Variants in CCDC191 observed in about 807,000 individuals in gnomAD.
The protein encoded by CCDC191 is coiled-coil domain containing 191.
CCDC191 carries 99 observed loss-of-function variants against 114.0 expected under a neutral mutation model. The observed-to-expected ratio is 0.87, with a 90% CI of 0.74 to 1.03. CCDC191 has a LOEUF of 1.03. Among genes scored for constraint, CCDC191 ranks in the 50% least tolerant of loss-of-function variants. The probability of loss-of-function intolerance (pLI) is 0.00; values close to 1 mark genes in which losing one functional copy is unlikely to be tolerated. For missense variants in CCDC191, 973 were observed against 1,087.0 expected (o/e 0.90, Z 1.47); for synonymous variants, 351 against 376.0 (o/e 0.93, Z 0.77).
intron 13 of CCDC191, among the ~76,000 whole-genome samples, chr3:113,995,714 T>C (rs2075701596): frequency 6.6e-6 from 1 of 152,212 alleles, no homozygotes; most frequent in Non-Finnish European, 1.5e-5. Flanking sequence ...TCTTCCACAA[T>C]GGTTGAACTA....
At chr3:114,043,213 G>A (rs1018563277) in intron 3 of CCDC191, among the ~76,000 whole-genome samples, 2 of 152,194 alleles carry the variant, frequency 1.3e-5, no homozygotes, top group African/African-American at 4.8e-5. Context: ...ATTCTCTGCA[G>A]AGGGAAAGCA....
intron 7 of CCDC191, among the ~76,000 whole-genome samples, chr3:114,029,933 TAA>T (rs1206927839): frequency 4.0e-4 from 61 of 152,164 alleles, no homozygotes; most frequent in Middle Eastern, 6.8e-3. Context: ...ATGTAATAAA[TAA>T]ATGCAGTGTG....
At chr3:113,978,135 T>C in intron 16 of CCDC191, 51 bp downstream of exon 16, 2 of 1,600,008 alleles carry the variant, frequency 1.2e-6, no homozygotes, top group Non-Finnish European at 1.7e-6. Context: ...AATATATTGC[T>C]GAGCAATTGT....
In CCDC191 at chr3:114,039,901, T is replaced by C. The variant is rs553744485; in HGVS notation, c.415+2802A>G. The stretch of plus-strand genomic sequence containing the variant: ...ATTTATTATTGAAGAAAGAAAAATA[T>C]GTTTTTATAAATTCAGTGTACCCTA... On this transcript the variant is annotated intron_variant, in intron 4 of 16. Transcript: ENST00000295878. Among the ~76,000 whole-genome samples the C allele has an allele frequency of 8.5e-5, 13 of 152,250 alleles. No homozygotes were observed. The East Asian group carries it at 2.5e-3, about 29-fold the overall frequency.
intron 16 of CCDC191, 112 bp from the exon 17 acceptor site, chr3:113,965,471 A>G: frequency 1.8e-6 from 1 of 565,760 alleles, no homozygotes; most frequent in East Asian, 3.0e-5. Flanking sequence ...AATGCTGTAT[A>G]AAAGGTGTGG....
At chr3:114,027,306 T>C (rs2076334066) in intron 7 of CCDC191, among the ~76,000 whole-genome samples, 1 of 152,142 alleles carries the variant, frequency 6.6e-6, no homozygotes, top group Non-Finnish European at 1.5e-5. Context: ...AGAGATACTC[T>C]GGGAGGAACA....
chr3:113,970,515 T>G (rs1481162909), intron 16 of CCDC191, among the ~76,000 whole-genome samples: 1 of 152,118 alleles, frequency 6.6e-6, no homozygotes, highest in African/African-American at 2.4e-5. Flanking sequence ...CTTGCAGTAT[T>G]ATATTGAATA....
intron 13 of CCDC191, among the ~76,000 whole-genome samples, chr3:113,991,018 A>G (rs1270907019): frequency 6.6e-6 from 1 of 151,182 alleles, no homozygotes; most frequent in Non-Finnish European, 1.5e-5. Flanking sequence ...TGGGCGGATC[A>G]CAAGGTTAAA....
intron 12 of CCDC191, 95 bp downstream of exon 12, chr3:114,002,361 G>T: frequency 1.2e-6 from 1 of 834,848 alleles, no homozygotes. Context: ...TAACTCTATT[G>T]TCTCAGGAGT....
At chr3:114,013,351 A>C (rs2076105601) in intron 8 of CCDC191, among the ~76,000 whole-genome samples, 2 of 152,248 alleles carry the variant, frequency 1.3e-5, no homozygotes, top group African/African-American at 4.8e-5. Context: ...AGAGATCCAG[A>C]GACAAGGATA....
intron 6 of CCDC191, among the ~76,000 whole-genome samples, chr3:114,034,283 T>C (rs921027900): frequency 1.3e-5 from 2 of 152,178 alleles, no homozygotes; most frequent in African/African-American, 4.8e-5. Flanking sequence ...AAATGCAAAC[T>C]AATCAATGTA....
intron 7 of CCDC191, among the ~76,000 whole-genome samples, chr3:114,027,617 A>AG (rs1553751115): frequency 4.7e-5 from 7 of 149,014 alleles, no homozygotes; most frequent in South Asian, 2.1e-4. Flanking sequence ...AAAAAAAAAA[A>AG]AAAAAGAAAA....
At chr3:114,007,333 CATCCTTAGGGACTCAA>C (rs1484786122) in intron 9 of CCDC191, among the ~76,000 whole-genome samples, 3 of 152,190 alleles carry the variant, frequency 2.0e-5, no homozygotes, top group African/African-American at 7.2e-5. Flanking sequence ...AACAGGACCC[CATCCTTAGGGACTCAA>C]AAATATTTTT....
chr3:113,994,457 G>A (rs1444199130), intron 13 of CCDC191, among the ~76,000 whole-genome samples: 1 of 152,020 alleles, frequency 6.6e-6, no homozygotes, highest in African/African-American at 2.4e-5. Flanking sequence ...ACAAAATGGT[G>A]CAGCCTCTTT....
intron 7 of CCDC191, among the ~76,000 whole-genome samples, chr3:114,025,306 A>T (rs1470629974): frequency 6.6e-6 from 1 of 151,720 alleles, no homozygotes; most frequent in East Asian, 1.9e-4. Flanking sequence ...TTCTAAAAGC[A>T]GAAACAAAGA....
intron 14 of CCDC191, among the ~76,000 whole-genome samples, chr3:113,979,881 G>A (rs969482111): frequency 7.9e-5 from 12 of 152,184 alleles, no homozygotes; most frequent in African/African-American, 2.9e-4. Context: ...GCATGCACTG[G>A]ATAAATTTGT....
At chr3:114,052,588 C>T (rs2076711099) in intron 2 of CCDC191, among the ~76,000 whole-genome samples, 1 of 152,168 alleles carries the variant, frequency 6.6e-6, no homozygotes, top group Admixed American at 6.5e-5. Flanking sequence ...CACATACTTC[C>T]ATTACATCTT....
intron 7 of CCDC191, among the ~76,000 whole-genome samples, chr3:114,022,435 T>A (rs2107706730): frequency 6.6e-6 from 1 of 152,266 alleles, no homozygotes; most frequent in South Asian, 2.1e-4. Context: ...GTCAGAAAGC[T>A]CAGTGATAAT....
chr3:113,994,711 G>A (rs2075672605), intron 13 of CCDC191, among the ~76,000 whole-genome samples: 1 of 151,054 alleles, frequency 6.6e-6, no homozygotes, highest in Non-Finnish European at 1.5e-5. Flanking sequence ...AGCCTCCCAA[G>A]TAGCTGGGAC....
Sources: allele counts gnomAD v4.1 joint callset (sites outside exome capture counted in the v4.1 genomes callset), GRCh38; gene constraint gnomAD v4.1.1; transcripts MANE v1.5; gene names NCBI Gene and HGNC (gene_info 2026-07-23, HGNC 2026-07-21).